HAO2: variants seen among roughly 807,000 people sequenced by gnomAD.
The protein encoded by HAO2 is 2-Hydroxyacid oxidase 2.
Under a neutral mutation model 37.4 loss-of-function variants are expected in HAO2, and 42 were observed. The ratio of observed to expected loss-of-function variants is 1.12; its 90% confidence interval spans 0.88 to 1.45. The LOEUF is 1.45. Among genes scored for constraint, HAO2 ranks in the 40% most tolerant of loss-of-function variants. The probability of loss-of-function intolerance (pLI) is 0.00; values close to 1 mark genes in which losing one functional copy is unlikely to be tolerated. For missense variants in HAO2, 476 were observed against 430.2 expected (o/e 1.11, Z -0.94); for synonymous variants, 180 against 162.8 (o/e 1.11, Z -0.81).
intron 3 of HAO2, 21 bp from the exon 4 acceptor site, chr1:119,384,755 G>T (rs1650242137): frequency 7.4e-6 from 12 of 1,611,526 alleles, no homozygotes; most frequent in Non-Finnish European, 1.0e-5. Flanking sequence ...TCCAGCCTGA[G>T]TCATGTCCTT....
chr1:119,374,151 C>A (rs1649258582), intron 1 of HAO2, among the ~76,000 whole-genome samples: 1 of 152,192 alleles, frequency 6.6e-6, no homozygotes, highest in Non-Finnish European at 1.5e-5. Context: ...AAATTCTTCC[C>A]CCTGCCCTCT....
chr1:119,383,094 C>A (rs767318564), intron 3 of HAO2, 28 bp downstream of exon 3: 1 of 1,577,082 alleles, frequency 6.3e-7, no homozygotes, highest in South Asian at 1.1e-5. Flanking sequence ...CTCGAGGCTC[C>A]TTTCCGGGAG....
intron 1 of HAO2, chr1:119,380,787 G>A: frequency 2.0e-6 from 2 of 1,006,696 alleles, no homozygotes; most frequent in East Asian, 4.8e-5. Flanking sequence ...CCTCAACTAG[G>A]TCTAAGGTGG....
chr1:119,392,084 C>G, intron 5 of HAO2, 26 bp from the exon 6 acceptor site: 1 of 1,594,606 alleles, frequency 6.3e-7, no homozygotes, highest in Non-Finnish European at 8.6e-7. Context: ...AGAAAGCCCT[C>G]CAGCCCATGT....
rs763907184 is a variant in HAO2, at chr1:119,393,824, A to C, written c.1040A>C (p.Gln347Pro). 3.7e-6 allele frequency: 6 copies of C among 1,613,224 alleles called. No homozygotes were observed. The Admixed American group carries it at 1.0e-4, about 27-fold the overall frequency. The part of the protein sequence containing the change: ...SVAEINRNLV[Q>P]FSRL ...GCTGAGATCAATCGAAACTTGGTCC[A>C]GTTTTCCAGGCTGTAAGAAAAAAGG... Residue 347 changes from glutamine to proline, a missense_variant, in exon 8 of 8, where the codon CAG becomes CCG. Transcript: ENST00000325945.
In HAO2 at chr1:119,387,172, A is replaced by G. The variant is rs117768356; in HGVS notation, c.771+341A>G. Reference sequence around the variant, plus strand: ...TTAAGATAATAAATAATTAATGTTGAATTTGATTAGACAGATGTTCTAAAG... The same window carrying G: ...TTAAGATAATAAATAATTAATGTTGGATTTGATTAGACAGATGTTCTAAAG... On this transcript the variant is annotated intron_variant, in intron 5 of 7. Coordinates refer to ENST00000325945, the MANE Select transcript of HAO2 (RefSeq NM_016527.4). 1.1e-3 allele frequency among the ~76,000 whole-genome samples: 171 copies of G among 152,278 alleles called. 3 individuals are homozygous for G. The East Asian group carries it at 0.032, about 28-fold the overall frequency.
rs1238641630 is a variant in HAO2 at position 119,392,553 on chromosome 1, C to A, written c.931-65C>A. Reference sequence around the variant, plus strand: ...GCTCTGACTACATCTAGAATTTATACTAGTGGATGGTCAGAATGTTCCTTT... The same window carrying A: ...GCTCTGACTACATCTAGAATTTATAATAGTGGATGGTCAGAATGTTCCTTT... On this transcript the variant is annotated intron_variant, in intron 6 of 7. Transcript: ENST00000325945. 10 of 1,015,280 alleles carry A rather than the reference C, an allele frequency of 9.8e-6. No homozygotes were observed. The East Asian group carries it at 2.4e-4, about 24-fold the overall frequency. The allele number at this position is 1,015,280 out of a possible 1,614,324, so 62.9% of individuals were successfully genotyped here.
intron 6 of HAO2, 70 bp downstream of exon 6, chr1:119,392,338 T>C (rs1650979355): frequency 1.5e-6 from 2 of 1,294,972 alleles, no homozygotes; most frequent in Non-Finnish European, 1.1e-6. Context: ...TTCCTGTGGT[T>C]CATTTTCCAA....
Position 119,393,929 on chromosome 1 carries a change from C to T in HAO2, c.*89C>T. 1.3e-6 allele frequency: 2 copies of T among 1,599,578 alleles called. No individual in the cohort carries two copies. Among genetic ancestry groups the T allele is most frequent in the South Asian group, 2.2e-5 (2 of 90,484 alleles). ...AGTGTGTGATGCTGTCCTTCCTGGA[C>T]CCCATTCTGTCCGGAGGCTCATGGC... On this transcript the variant is annotated 3_prime_UTR_variant, in exon 8 of 8. Coordinates refer to ENST00000325945, the MANE Select transcript of HAO2 (RefSeq NM_016527.4).
chr1:119,380,962 C>T, intron 1 of HAO2, 116 bp from the exon 2 acceptor site: 1 of 882,294 alleles, frequency 1.1e-6, no homozygotes, highest in Non-Finnish European at 1.8e-6. Context: ...GATAAGAATA[C>T]AGGGAGACCA....
chr1:119,384,980 G>T lies in HAO2; in HGVS notation c.488G>T (p.Gly163Val). 1 of 1,613,572 alleles carries T rather than the reference G, an allele frequency of 6.2e-7. No homozygotes were observed. The highest frequency in any genetic ancestry group is 8.5e-7 in the Non-Finnish European group (1 of 1,179,544). ...LVITLDTPVC[G>V]NRRHDIRNQL... ...ATAACTTTGGATACACCTGTATGTG[G>T]CAACAGGCGACATGACATTCGAAAC... Residue 163 changes from glycine (G) to valine (V), a missense_variant, in exon 4 of 8, where the codon GGC becomes GTC. By Grantham distance (109) the Gly-to-Val change is moderately radical. Coordinates refer to ENST00000325945, the MANE Select transcript of HAO2 (RefSeq NM_016527.4).
chr1:119,374,614 C>A (rs768095708), intron 1 of HAO2, among the ~76,000 whole-genome samples: 2 of 152,174 alleles, frequency 1.3e-5, no homozygotes, highest in Admixed American at 6.5e-5. Context: ...TCATCAGAGG[C>A]TGACTTTTCT....
At chr1:119,371,751 A>G (rs1050700343) in intron 1 of HAO2, among the ~76,000 whole-genome samples, 4 of 152,222 alleles carry the variant, frequency 2.6e-5, no homozygotes, top group Admixed American at 6.5e-5. Context: ...ATGTAAAGCA[A>G]TTTACACAGT....
At chr1:119,389,167 T>TATATATATATATAC (rs1553205803) in intron 5 of HAO2, among the ~76,000 whole-genome samples, 1 of 99,964 alleles carries the variant, frequency 1.0e-5, no homozygotes, top group African/African-American at 3.6e-5. Context: ...TATATATATA[T>TATATATATATATAC]ACACCACAGT....
Position 119,383,009 on chromosome 1 carries a change from G to T in HAO2, c.226G>T (p.Ala76Ser), listed in dbSNP as rs41313995. The change falls in exon 3 of 8, where the codon GCA becomes TCA. Residue 76 changes from alanine (A) to serine (S), a missense_variant. By Grantham distance (99) the Ala-to-Ser change is moderately conservative. Coordinates refer to ENST00000325945, the MANE Select transcript of HAO2 (RefSeq NM_016527.4). ...GGAGATCAGTGCCCCTATTTGTATC[G>T]CACCCACAGGGTTCCACTGCCTTGT... Reference protein sequence around the residue: ...GEEISAPICIAPTGFHCLVWP... With the variant: ...GEEISAPICISPTGFHCLVWP... The T allele has an allele frequency of 6.8e-6, 11 of 1,612,570 alleles. No homozygotes were observed. Among genetic ancestry groups the T allele is most frequent in the South Asian group, 3.3e-5 (3 of 90,932 alleles).
intron 7 of HAO2, among the ~76,000 whole-genome samples, chr1:119,393,035 T>C (rs975430572): frequency 1.3e-5 from 2 of 152,170 alleles, no homozygotes; most frequent in African/African-American, 4.8e-5. Context: ...GCTTCCACTT[T>C]TAGGAAAAGA....
chr1:119,377,729 T>C (rs1369684740), intron 1 of HAO2, among the ~76,000 whole-genome samples: 1 of 152,228 alleles, frequency 6.6e-6, no homozygotes, highest in Non-Finnish European at 1.5e-5. Context: ...ATGTTTTAAA[T>C]GGCAGCAGGT....
At chr1:119,371,205 G>A (rs1648972653) in intron 1 of HAO2, among the ~76,000 whole-genome samples, 1 of 152,132 alleles carries the variant, frequency 6.6e-6, no homozygotes, top group African/African-American at 2.4e-5. Flanking sequence ...AAGTCAGAAG[G>A]ATTCCAGGTC....
intron 1 of HAO2, among the ~76,000 whole-genome samples, chr1:119,369,671 T>C (rs1453659363): frequency 6.6e-6 from 1 of 152,198 alleles, no homozygotes; most frequent in Non-Finnish European, 1.5e-5. Flanking sequence ...TAGATGAGAA[T>C]TGGAGCTTGT....
Sources: gnomAD v4.1 joint callset for allele counts (sites outside exome capture counted in the v4.1 genomes callset) on GRCh38, gnomAD v4.1.1 for gene constraint, MANE v1.5 for transcripts, NCBI Gene and HGNC (gene_info 2026-07-23, HGNC 2026-07-21) for gene names.